Variants in B4GALNT3 observed in about 807,000 individuals in gnomAD.
B4GALNT3 encodes the protein beta-1,4-N-acetylgalactosaminyltransferase 3.
A neutral mutation model predicts 120.2 loss-of-function variants in B4GALNT3; 86 were observed. The ratio of observed to expected loss-of-function variants is 0.72; its 90% CI spans 0.60 to 0.86. The LOEUF (loss-of-function observed/expected upper bound fraction) is 0.86. B4GALNT3 is among the 40% of genes least tolerant of loss of function. The pLI, the probability that B4GALNT3 is intolerant of heterozygous loss-of-function variation, is 0.00. For synonymous variants in B4GALNT3, 518 were observed against 510.4 expected, an observed-to-expected ratio of 1.01 and a Z score of -0.20; for missense variants, 1,167 against 1,298.9, an observed-to-expected ratio of 0.90 and a Z score of 1.56.
chr12:500,864 G>GTTTTTTTTTT (rs1565594758), intron 1 of B4GALNT3, among the ~76,000 whole-genome samples: 1 of 16,748 alleles, frequency 6.0e-5, no homozygotes, highest in Non-Finnish European at 1.1e-4. Flanking sequence ...TGGCTCCACT[G>GTTTTTTTTTT]CTTTTTTTTT....
intron 1 of B4GALNT3, among the ~76,000 whole-genome samples, chr12:492,850 C>T (rs1729416052): frequency 6.7e-6 from 1 of 148,728 alleles, no homozygotes; most frequent in Non-Finnish European, 1.5e-5. Context: ...AAAGCAAAGA[C>T]ATGCAATGTG....
intron 1 of B4GALNT3, among the ~76,000 whole-genome samples, chr12:500,127 G>T (rs1439633488): frequency 6.8e-6 from 1 of 146,150 alleles, no homozygotes; most frequent in East Asian, 2.0e-4. Flanking sequence ...ACTTTTAGGA[G>T]AAGCAGCTTT....
intron 1 of B4GALNT3, among the ~76,000 whole-genome samples, chr12:464,630 T>TA (rs35653120): frequency 1.4e-3 from 204 of 147,486 alleles, no homozygotes; most frequent in Middle Eastern, 3.5e-3. Flanking sequence ...AGACTCTACT[T>TA]AAAAAAAAAA....
rs59146717 is a variant in B4GALNT3 at position 469,106 on chromosome 12, G to A, written c.169+8561G>A. ...AATGTTTATGGAGCATTTACTTTTT[G>A]TGGCAGACTCTGAGTGGACTGAAAA... On this transcript the variant is annotated intron_variant, in intron 1 of 19. Coordinates refer to ENST00000266383, the MANE Select transcript of B4GALNT3 (RefSeq NM_173593.4). 9.5e-3 allele frequency among the ~76,000 whole-genome samples: 1,446 copies of A among 152,272 alleles called. 21 individuals are homozygous for A. The highest frequency in any genetic ancestry group is 0.034 in the African/African-American group (1,393 of 41,528).
rs577372938 is a variant in B4GALNT3 at position 534,610 on chromosome 12, C to G, written c.170-556C>G. Among the ~76,000 whole-genome samples, 10 of 152,316 alleles carry G rather than the reference C, an allele frequency of 6.6e-5. No homozygotes were observed. In the East Asian group the frequency reaches 1.9e-3, roughly 29 times the overall value. On this transcript the variant is annotated intron_variant, in intron 1 of 19. Transcript: ENST00000266383. ...GGTGACTCCAGTAATAGCAGGGCCT[C>G]TGATCTTGTATCTCCAGTGGTTTAT... is the stretch of plus-strand genomic sequence containing the variant.
chr12:553,299 C>T lies in B4GALNT3; in HGVS notation c.1376C>T (p.Pro459Leu), dbSNP rs1002501080. ...AGGATGCTTGAGGGAAGACAGACACCTGCCTCCACCCTGGAGCAAGATGCC... is the reference window on the plus strand; with the variant it reads ...AGGATGCTTGAGGGAAGACAGACACTTGCCTCCACCCTGGAGCAAGATGCC... The part of the protein sequence containing the change: ...NARMLEGRQT[P>L]ASTLEQDATD... Residue 459 changes from proline (P) to leucine (L), a missense_variant, in exon 14 of 20, where the codon CCT becomes CTT. By Grantham distance (98) the Pro-to-Leu change is moderately conservative (BLOSUM62 -3). Transcript: ENST00000266383. 1.2e-6 allele frequency: 2 copies of T among 1,613,632 alleles called. No homozygotes were observed. The highest frequency in any genetic ancestry group is 1.7e-6 in the Non-Finnish European group (2 of 1,180,040).
intron 1 of B4GALNT3, among the ~76,000 whole-genome samples, chr12:529,045 G>A (rs1362287428): frequency 2.0e-5 from 3 of 152,102 alleles, no homozygotes; most frequent in Non-Finnish European, 4.4e-5. Flanking sequence ...TGGTGTACAT[G>A]GAACCAGCCC....
intron 3 of B4GALNT3, chr12:543,133 A>G (rs1329021975): frequency 2.4e-6 from 3 of 1,253,070 alleles, no homozygotes; most frequent in Non-Finnish European, 3.1e-6. Context: ...CAGGGAGAGT[A>G]TGTGTGTGTG....
intron 1 of B4GALNT3, among the ~76,000 whole-genome samples, chr12:530,355 A>G (rs1277835935): frequency 6.6e-6 from 1 of 152,232 alleles, no homozygotes; most frequent in African/African-American, 2.4e-5. Flanking sequence ...GCTAAGTTGA[A>G]AGTGCTTTGA....
At chr12:546,496 T>G in intron 6 of B4GALNT3, 150 bp from the exon 7 acceptor site, 1 of 747,214 alleles carries the variant, frequency 1.3e-6, no homozygotes, top group East Asian at 2.7e-5. Flanking sequence ...TCCCTTCTGT[T>G]TTCTCTCCTA....
At chr12:484,714 A>G (rs1169455731) in intron 1 of B4GALNT3, among the ~76,000 whole-genome samples, 1 of 151,664 alleles carries the variant, frequency 6.6e-6, no homozygotes, top group Non-Finnish European at 1.5e-5. Flanking sequence ...GGCTGGCCCA[A>G]GGATTAGGCA....
rs1228324594 is a variant in B4GALNT3 at position 478,269 on chromosome 12, AAAATT to A, written c.169+17726_169+17730del. On this transcript the variant is annotated intron_variant, in intron 1 of 19. Transcript: ENST00000266383. ...TGTCTTTAAAAAAAAAAAAAAAAAA[AAAATT>A]AGAGGAGGTAAAAAAAAAAAAAATA... 3.4e-4 allele frequency among the ~76,000 whole-genome samples: 36 copies of A among 106,264 alleles called. 1 individual carries two copies. The highest frequency in any genetic ancestry group is 7.4e-4 in the Admixed American group (7 of 9,510). 69.7% of individuals were successfully genotyped at this position (106,264 alleles called of 152,430 possible). A position where few individuals can be genotyped will look rare whatever the true frequency, so the allele number is the denominator to read the frequency against.
At chr12:524,370 T>C (rs1332760472) in intron 1 of B4GALNT3, among the ~76,000 whole-genome samples, 3 of 152,198 alleles carry the variant, frequency 2.0e-5, no homozygotes, top group Non-Finnish European at 2.9e-5. Flanking sequence ...GATCAGATAA[T>C]GTACCTTATT....
At chr12:498,169 AAG>A (rs1414689137) in intron 1 of B4GALNT3, among the ~76,000 whole-genome samples, 1 of 152,134 alleles carries the variant, frequency 6.6e-6, no homozygotes, top group African/African-American at 2.4e-5. Context: ...GTTGCCCCTG[AAG>A]AGAGATTGTT....
intron 1 of B4GALNT3, among the ~76,000 whole-genome samples, chr12:479,334 C>T (rs950202456): frequency 3.3e-5 from 5 of 152,182 alleles, no homozygotes; most frequent in Admixed American, 1.3e-4. Flanking sequence ...CACGTGCCAC[C>T]GTGTTCAGTG....
intron 17 of B4GALNT3, 29 bp downstream of exon 17, chr12:558,117 T>C: frequency 4.4e-6 from 7 of 1,608,288 alleles, no homozygotes; most frequent in South Asian, 2.2e-5. Context: ...GCCTGCGAGA[T>C]GGAATTCAAG....
Position 550,029 on chromosome 12 carries a change from T to G in B4GALNT3, c.997+117T>G. On this transcript the variant is annotated intron_variant, in intron 10 of 19. Coordinates refer to ENST00000266383, the MANE Select transcript of B4GALNT3 (RefSeq NM_173593.4). The surrounding 1 kb of genome is among the most constrained non-coding windows in gnomAD (Gnocchi z 4.1). ...AAGTATCCCAATCACCGTAGAACTTTTTATCGTCCTTGTAACATAGAACAT... is the reference window on the plus strand; with the variant it reads ...AAGTATCCCAATCACCGTAGAACTTGTTATCGTCCTTGTAACATAGAACAT... The G allele has an allele frequency of 8.6e-7, 1 of 1,166,012 alleles. No individual in the cohort carries two copies. The highest frequency in any genetic ancestry group is 1.2e-6 in the Non-Finnish European group (1 of 833,468). The allele number at this position is 1,166,012 out of a possible 1,614,324, so 72.2% of individuals were successfully genotyped here. A position where few individuals can be genotyped will look rare whatever the true frequency, so the allele number is the denominator to read the frequency against.
intron 1 of B4GALNT3, among the ~76,000 whole-genome samples, chr12:481,831 C>G (rs529908838): frequency 4.1e-4 from 63 of 152,224 alleles, no homozygotes; most frequent in African/African-American, 1.4e-3. Context: ...GGATGAGGGT[C>G]CCTCTGCACA....
At position 505,991 on chromosome 12, in the gene B4GALNT3, C is replaced by T. The variant is rs11063321; in HGVS notation, c.170-29175C>T. 5.6e-3 allele frequency among the ~76,000 whole-genome samples: 855 copies of T among 152,308 alleles called. 8 individuals carry two copies. Among genetic ancestry groups the T allele is most frequent in the Middle Eastern group, 0.01 (3 of 294 alleles). ...TGAGCCAGGTAAGCATCAGCTGATA[C>T]TCTTCTTATAAATCAGATTGTAACC... On this transcript the variant is annotated intron_variant, in intron 1 of 19. Transcript: ENST00000266383.
Sources: allele counts gnomAD v4.1 joint callset (sites outside exome capture counted in the v4.1 genomes callset), GRCh38; gene constraint gnomAD v4.1.1; non-coding constraint Gnocchi (gnomAD v3.1); transcripts MANE v1.5; gene names NCBI Gene and HGNC (gene_info 2026-07-23, HGNC 2026-07-21).